RABGAP1L: variants seen among roughly 807,000 people sequenced by gnomAD.
RABGAP1L encodes the protein RAB GTPase activating protein 1 like.
A neutral mutation model predicts 137.7 loss-of-function variants in RABGAP1L; 63 were observed. The observed-to-expected ratio is 0.46, with a 90% CI of 0.37 to 0.56. RABGAP1L has a LOEUF of 0.56. Ranked by LOEUF, RABGAP1L falls within the 20% of genes least tolerant of loss-of-function variation. The pLI, the probability that RABGAP1L is intolerant of heterozygous loss-of-function variation, is 0.00. For missense variants in RABGAP1L, 1,095 were observed against 1,244.0 expected (o/e 0.88, Z 1.80); for synonymous variants, 431 against 433.7 (o/e 0.99, Z 0.08).
At chr1:174,422,390 A>G (rs1019777518) in intron 13 of RABGAP1L, among the ~76,000 whole-genome samples, 6 of 151,986 alleles carry the variant, frequency 3.9e-5, no homozygotes, top group African/African-American at 1.4e-4. Context: ...TTTTTTAAAC[A>G]TTCGACCAAC....
chr1:174,162,771 C>CTTTTTTT (rs1664584682), intron 1 of RABGAP1L, among the ~76,000 whole-genome samples: 1 of 40,792 alleles, frequency 2.5e-5, no homozygotes, highest in Non-Finnish European at 5.0e-5. Context: ...TTTTTTTTCT[C>CTTTTTTT]TTTCTGTTTT....
intron 13 of RABGAP1L, among the ~76,000 whole-genome samples, chr1:174,571,290 AG>A (rs1667962221): frequency 1.3e-5 from 2 of 152,154 alleles, no homozygotes; most frequent in African/African-American, 2.4e-5. Flanking sequence ...TTTGGGAGGC[AG>A]GGTTGCAGGG....
At chr1:174,505,000 G>A (rs1661684716) in intron 13 of RABGAP1L, among the ~76,000 whole-genome samples, 1 of 152,048 alleles carries the variant, frequency 6.6e-6, no homozygotes, top group African/African-American at 2.4e-5. Context: ...AAATATATAA[G>A]GAATCAATTC....
At chr1:174,441,192 T>C (rs1654097693) in intron 13 of RABGAP1L, among the ~76,000 whole-genome samples, 1 of 151,912 alleles carries the variant, frequency 6.6e-6, no homozygotes, top group African/African-American at 2.4e-5. Flanking sequence ...AGATATTTTC[T>C]GATTAGCATT....
chr1:174,250,891 C>T (rs1008472079), intron 6 of RABGAP1L, among the ~76,000 whole-genome samples: 1 of 152,182 alleles, frequency 6.6e-6, no homozygotes. Flanking sequence ...ATCTCTGCCT[C>T]CTGGGTTCCA....
intron 13 of RABGAP1L, among the ~76,000 whole-genome samples, chr1:174,434,151 A>C (rs184546467): frequency 1.4e-3 from 210 of 147,612 alleles, no homozygotes; most frequent in Admixed American, 2.7e-3. Flanking sequence ...ACACACACAC[A>C]CCCTGCCTGG....
At chr1:174,178,341 T>C (rs1305450842) in intron 1 of RABGAP1L, among the ~76,000 whole-genome samples, 1 of 152,190 alleles carries the variant, frequency 6.6e-6, no homozygotes, top group Non-Finnish European at 1.5e-5. Flanking sequence ...TTTGCCGAAG[T>C]TGCTTATCAG....
intron 19 of RABGAP1L, among the ~76,000 whole-genome samples, chr1:174,927,942 T>C (rs930428862): frequency 1.3e-5 from 2 of 152,192 alleles, no homozygotes; most frequent in African/African-American, 4.8e-5. Context: ...TCTCTATTCT[T>C]TCTTTGTTGC....
At chr1:174,914,607 G>C (rs1660553649) in intron 19 of RABGAP1L, among the ~76,000 whole-genome samples, 1 of 151,924 alleles carries the variant, frequency 6.6e-6, no homozygotes, top group Admixed American at 6.6e-5. Context: ...AATATATAGT[G>C]GTTTCCCTTT....
At chr1:174,366,756 C>G (rs2148984369) in intron 11 of RABGAP1L, among the ~76,000 whole-genome samples, 1 of 130,186 alleles carries the variant, frequency 7.7e-6, no homozygotes, top group East Asian at 2.4e-4. Context: ...GCCTGGGTGA[C>G]AGAGCCAGAC....
chr1:174,683,452 G>T, intron 14 of RABGAP1L, 70 bp from the exon 15 acceptor site: 2 of 1,267,618 alleles, frequency 1.6e-6, no homozygotes, highest in Non-Finnish European at 1.1e-6. Flanking sequence ...CAGGAGCCTG[G>T]TATGAGCTAA....
intron 1 of RABGAP1L, among the ~76,000 whole-genome samples, chr1:174,199,908 A>C (rs897402097): frequency 6.6e-6 from 1 of 152,240 alleles, no homozygotes; most frequent in African/African-American, 2.4e-5. Flanking sequence ...TTGGCTCTAA[A>C]AAATACTTTC....
intron 1 of RABGAP1L, among the ~76,000 whole-genome samples, chr1:174,203,775 G>A (rs992963535): frequency 2.6e-5 from 4 of 152,106 alleles, no homozygotes; most frequent in Non-Finnish European, 5.9e-5. Context: ...TCCTTGAGCA[G>A]TGTTTTATAA....
chr1:174,460,233 CT>C (rs1408669539), intron 13 of RABGAP1L, among the ~76,000 whole-genome samples: 1 of 143,310 alleles, frequency 7.0e-6, no homozygotes, highest in African/African-American at 2.5e-5. Flanking sequence ...AATTAACTTC[CT>C]TTTTTTCCTC....
chr1:174,304,550 C>G (rs1267670517), intron 10 of RABGAP1L, among the ~76,000 whole-genome samples: 2 of 151,898 alleles, frequency 1.3e-5, no homozygotes, highest in Non-Finnish European at 2.9e-5. Context: ...GGCTACCTAT[C>G]AGGGATGGGT....
chr1:174,190,314 A>T (rs1667124379), intron 1 of RABGAP1L, among the ~76,000 whole-genome samples: 1 of 151,694 alleles, frequency 6.6e-6, no homozygotes, highest in Non-Finnish European at 1.5e-5. Context: ...AAAAAAAAAA[A>T]AAAAAGAAAG....
chr1:174,320,794 G>T (rs558517047), intron 11 of RABGAP1L, among the ~76,000 whole-genome samples: 1 of 152,176 alleles, frequency 6.6e-6, no homozygotes, highest in East Asian at 1.9e-4. Context: ...TGTCGCCTCA[G>T]GACCCTGTGA....
chr1:174,871,323 G>A (rs1018321879), intron 19 of RABGAP1L, among the ~76,000 whole-genome samples: 2 of 151,902 alleles, frequency 1.3e-5, no homozygotes, highest in East Asian at 1.9e-4. Context: ...TAGTAGGGAC[G>A]GGGTTTCACC....
At chr1:174,962,196 A>ACCCC (rs146127956) in intron 20 of RABGAP1L, among the ~76,000 whole-genome samples, 30 of 77,828 alleles carry the variant, frequency 3.9e-4, no homozygotes, top group African/African-American at 8.9e-4. Flanking sequence ...ATAAAAATAC[A>ACCCC]CCCCCCCCCC....
Sources: gnomAD v4.1 joint callset for allele counts (sites outside exome capture counted in the v4.1 genomes callset) on GRCh38, gnomAD v4.1.1 for gene constraint, MANE v1.5 for transcripts, NCBI Gene and HGNC (gene_info 2026-07-23, HGNC 2026-07-21) for gene names.